ELMO1: variants seen among roughly 807,000 people sequenced by gnomAD.
ELMO1 encodes engulfment and cell motility 1, also known as engulfment and cell motility protein 1.
In ELMO1, 26 loss-of-function variants were observed where a neutral mutation model predicts 98.9. The ratio of observed to expected loss-of-function variants is 0.26; its 90% confidence interval spans 0.19 to 0.36. The LOEUF (loss-of-function observed/expected upper bound fraction) is 0.36, where lower values mean the gene tolerates loss of function less well. Ranked by LOEUF, ELMO1 falls within the 10% of genes least tolerant of loss-of-function variation. The pLI, the probability that ELMO1 is intolerant of heterozygous loss-of-function variation, is 1.00. For missense variants in ELMO1, 627 were observed against 935.2 expected, an observed-to-expected ratio of 0.67 and a Z score of 4.30; for synonymous variants, 346 against 346.0, an observed-to-expected ratio of 1.00 and a Z score of 0.00.
intron 16 of ELMO1, among the ~76,000 whole-genome samples, chr7:36,957,733 C>A (rs1788587013): frequency 1.3e-5 from 2 of 152,262 alleles, no homozygotes; most frequent in Middle Eastern, 3.4e-3. Flanking sequence ...GGAGTCCTGA[C>A]AAGATAAGTA....
At chr7:36,876,237 T>C (rs1016270567) in intron 19 of ELMO1, among the ~76,000 whole-genome samples, 9 of 152,142 alleles carry the variant, frequency 5.9e-5, no homozygotes, top group Admixed American at 5.2e-4. Flanking sequence ...AAAACGAGAA[T>C]GCTGGTGTGA....
chr7:37,265,391 T>G (rs997991077), intron 5 of ELMO1, among the ~76,000 whole-genome samples: 3 of 152,124 alleles, frequency 2.0e-5, no homozygotes, highest in Non-Finnish European at 4.4e-5. Flanking sequence ...TCTCCCATCT[T>G]TAAAAAAAAT....
At chr7:37,170,910 T>A (rs552132206) in intron 13 of ELMO1, among the ~76,000 whole-genome samples, 5 of 152,320 alleles carry the variant, frequency 3.3e-5, no homozygotes, top group African/African-American at 1.2e-4. Context: ...CTGGCTGAAC[T>A]TTCATTTTAT....
intron 15 of ELMO1, among the ~76,000 whole-genome samples, chr7:37,087,110 C>A (rs114705831): frequency 0.023 from 3,405 of 149,738 alleles, 128 homozygotes; most frequent in African/African-American, 0.077. Context: ...CTGTTATAAT[C>A]TTTTTTTTCC....
At chr7:36,938,868 A>C (rs752681526) in intron 16 of ELMO1, among the ~76,000 whole-genome samples, 16 of 152,168 alleles carry the variant, frequency 1.1e-4, no homozygotes, top group Middle Eastern at 3.2e-3. Flanking sequence ...AATTGATTTA[A>C]ACATCAAAGA....
At chr7:37,111,550 A>C (rs1006641345) in intron 14 of ELMO1, among the ~76,000 whole-genome samples, 3 of 152,192 alleles carry the variant, frequency 2.0e-5, no homozygotes, top group Non-Finnish European at 4.4e-5. Context: ...ACCAAATTCA[A>C]TGTAAAGTAT....
chr7:37,421,748 G>C (rs1278214714), intron 1 of ELMO1, among the ~76,000 whole-genome samples: 1 of 152,150 alleles, frequency 6.6e-6, no homozygotes, highest in Non-Finnish European at 1.5e-5. Context: ...ATGGATTTCT[G>C]AATATTCTTC....
intron 16 of ELMO1, among the ~76,000 whole-genome samples, chr7:36,963,698 G>A (rs1189490680): frequency 6.6e-6 from 1 of 152,184 alleles, no homozygotes; most frequent in Non-Finnish European, 1.5e-5. Context: ...TCGTAACAGT[G>A]TTGATTTGTC....
At chr7:37,079,047 G>A (rs1031102508) in intron 15 of ELMO1, among the ~76,000 whole-genome samples, 1 of 152,096 alleles carries the variant, frequency 6.6e-6, no homozygotes, top group East Asian at 1.9e-4. Flanking sequence ...CTAAAAGTGT[G>A]CACTATCTAA....
intron 4 of ELMO1, among the ~76,000 whole-genome samples, chr7:37,281,009 A>G (rs1781281101): frequency 1.8e-5 from 2 of 113,184 alleles, no homozygotes; most frequent in African/African-American, 3.2e-5. Context: ...AAATATATAT[A>G]TAAATATATA....
intron 6 of ELMO1, among the ~76,000 whole-genome samples, chr7:37,253,478 C>T (rs1477897736): frequency 2.0e-5 from 3 of 152,112 alleles, no homozygotes; most frequent in Admixed American, 1.3e-4. Flanking sequence ...AACACAAGAG[C>T]GGAAAACCAA....
At chr7:37,368,931 C>G (rs939957583) in intron 1 of ELMO1, among the ~76,000 whole-genome samples, 6 of 152,140 alleles carry the variant, frequency 3.9e-5, no homozygotes, top group Non-Finnish European at 7.3e-5. Context: ...CCTTTCTCTC[C>G]TTTTCATTGG....
At chr7:36,913,402 G>A (rs1485224543) in intron 16 of ELMO1, among the ~76,000 whole-genome samples, 1 of 152,182 alleles carries the variant, frequency 6.6e-6, no homozygotes, top group Admixed American at 6.5e-5. Context: ...CTTGTAAAAA[G>A]AGGCAAAATT....
intron 16 of ELMO1, among the ~76,000 whole-genome samples, chr7:36,911,676 C>T (rs1043220743): frequency 6.6e-6 from 1 of 152,148 alleles, no homozygotes; most frequent in African/African-American, 2.4e-5. Context: ...ACCAAGAAGC[C>T]AGACCCAAAA....
intron 14 of ELMO1, among the ~76,000 whole-genome samples, chr7:37,106,603 C>T (rs75126547): frequency 0.017 from 2,626 of 150,778 alleles, 71 homozygotes; most frequent in African/African-American, 0.062. Flanking sequence ...CAAAAATAGA[C>T]GAAGACACTA....
At position 37,200,945 on chromosome 7, in the gene ELMO1, T is replaced by TA. The variant is rs372125187; in HGVS notation, c.1086+10440dup. The stretch of plus-strand genomic sequence containing the variant: ...GTGACAAAGTGAGACTCTGTCTCAA[T>TA]AAAAAAAAAAAAAATACAAATAAAA... On this transcript the variant is annotated intron_variant, in intron 13 of 21. Coordinates refer to ENST00000310758, the MANE Select transcript of ELMO1 (RefSeq NM_014800.11). Among the ~76,000 whole-genome samples, 618 of 133,478 alleles carry TA rather than the reference T, an allele frequency of 4.6e-3. 4 individuals are homozygous for TA. Among genetic ancestry groups the TA allele is most frequent in the Middle Eastern group, 7.8e-3 (2 of 256 alleles). The allele number at this position is 133,478 out of a possible 152,430, so 87.6% of individuals were successfully genotyped here.
At chr7:37,225,056 G>A in intron 8 of ELMO1, 26 bp from the exon 9 acceptor site, 1 of 1,613,742 alleles carries the variant, frequency 6.2e-7, no homozygotes, top group Non-Finnish European at 8.5e-7. Flanking sequence ...GGACACAATT[G>A]ACTGCTCGTG....
At chr7:37,332,678 T>C (rs1800198882) in intron 2 of ELMO1, among the ~76,000 whole-genome samples, 2 of 152,186 alleles carry the variant, frequency 1.3e-5, no homozygotes, top group Non-Finnish European at 2.9e-5. Context: ...AAGGAGAAAA[T>C]GTTTGCATAT....
intron 4 of ELMO1, among the ~76,000 whole-genome samples, chr7:37,282,785 C>A (rs2256445): frequency 6.6e-6 from 1 of 152,026 alleles, no homozygotes; most frequent in Non-Finnish European, 1.5e-5. Flanking sequence ...ATTAGAGTGG[C>A]AGCACTTCAT....
Sources: gnomAD v4.1 joint callset for allele counts (sites outside exome capture counted in the v4.1 genomes callset) on GRCh38, gnomAD v4.1.1 for gene constraint, MANE v1.5 for transcripts, NCBI Gene and HGNC (gene_info 2026-07-23, HGNC 2026-07-21) for gene names.